The following ADAMTS6 variants were observed in gnomAD, a reference collection of about 807,000 sequenced individuals.
ADAMTS6 encodes the protein A disintegrin and metalloproteinase with thrombospondin motifs 6.
Under a neutral mutation model 144.3 loss-of-function variants are expected in ADAMTS6, and 23 were observed. The ratio of observed to expected loss-of-function variants is 0.16; its 90% CI spans 0.11 to 0.23. The LOEUF (loss-of-function observed/expected upper bound fraction) is 0.23, where lower values mean the gene tolerates loss of function less well. Among genes scored for constraint, ADAMTS6 ranks in the 10% least tolerant of loss-of-function variants. The probability of loss-of-function intolerance (pLI) is 1.00; values close to 1 mark genes in which losing one functional copy is unlikely to be tolerated. For synonymous variants in ADAMTS6, 444 were observed against 457.5 expected, an observed-to-expected ratio of 0.97 and a Z score of 0.38; for missense variants, 999 against 1,379.6, an observed-to-expected ratio of 0.72 and a Z score of 4.37.
At chr5:65,447,932 T>C (rs1758398961) in intron 7 of ADAMTS6, among the ~76,000 whole-genome samples, 1 of 150,868 alleles carries the variant, frequency 6.6e-6, no homozygotes, top group South Asian at 2.1e-4. Context: ...AGAGCTAAGA[T>C]GTCAGATAGT....
At chr5:65,447,556 T>C (rs1449463244) in intron 7 of ADAMTS6, among the ~76,000 whole-genome samples, 1 of 152,128 alleles carries the variant, frequency 6.6e-6, no homozygotes, top group Non-Finnish European at 1.5e-5. Context: ...TTTTTAACTA[T>C]ATATGTACAG....
chr5:65,336,084 T>C (rs1437592295), intron 7 of ADAMTS6, among the ~76,000 whole-genome samples: 2 of 152,172 alleles, frequency 1.3e-5, no homozygotes, highest in African/African-American at 4.8e-5. Flanking sequence ...GATTTGTTTT[T>C]CTTATAGACA....
intron 8 of ADAMTS6, among the ~76,000 whole-genome samples, chr5:65,332,312 T>TATATATATATAGAG (rs1384467152): frequency 9.8e-6 from 1 of 102,090 alleles, no homozygotes; most frequent in Non-Finnish European, 2.1e-5. Context: ...TATATATATA[T>TATATATATATAGAG]AGAGAGAGAG....
chr5:65,395,835 T>A (rs1753288664), intron 7 of ADAMTS6, among the ~76,000 whole-genome samples: 1 of 152,204 alleles, frequency 6.6e-6, no homozygotes, highest in African/African-American at 2.4e-5. Context: ...ATAACTTAAA[T>A]TTTGACATTC....
intron 7 of ADAMTS6, among the ~76,000 whole-genome samples, chr5:65,363,984 A>C (rs1224427170): frequency 2.0e-5 from 3 of 152,216 alleles, no homozygotes; most frequent in Admixed American, 1.3e-4. Context: ...AAATTCTCAG[A>C]GCCAACTGAG....
chr5:65,214,513 G>T lies in ADAMTS6; in HGVS notation c.2575+281C>A. ...CTTTACCAAGAATGTGTTCACGAAAGGCAAACAGCCCACCTTCAAGATAGT... is the reference window on the plus strand; with the variant it reads ...CTTTACCAAGAATGTGTTCACGAAATGCAAACAGCCCACCTTCAAGATAGT... On this transcript the variant is annotated intron_variant, in intron 20 of 24. Coordinates refer to ENST00000381055, the MANE Select transcript of ADAMTS6 (RefSeq NM_197941.4). This position sits in a 1 kb window ranked among gnomAD's most constrained non-coding sequence, Gnocchi z 4.6. The T allele has an allele frequency of 2.1e-6, 1 of 483,182 alleles. No homozygotes were observed. Among genetic ancestry groups the T allele is most frequent in the Non-Finnish European group, 3.8e-6 (1 of 265,180 alleles). The allele number at this position is 483,182 out of a possible 1,614,324, so 29.9% of individuals were successfully genotyped here. A position where few individuals can be genotyped will look rare whatever the true frequency, so the allele number is the denominator to read the frequency against.
intron 7 of ADAMTS6, among the ~76,000 whole-genome samples, chr5:65,425,036 G>A (rs974192742): frequency 6.6e-6 from 1 of 151,704 alleles, no homozygotes; most frequent in Non-Finnish European, 1.5e-5. Context: ...TGCTCTGGTC[G>A]CCCAGGCTGG....
intron 4 of ADAMTS6, among the ~76,000 whole-genome samples, chr5:65,458,940 GGTT>G (rs1159661909): frequency 2.0e-5 from 3 of 152,280 alleles, no homozygotes; most frequent in African/African-American, 7.2e-5. Context: ...CACTCAGAGA[GGTT>G]GGGTAATTCG....
intron 7 of ADAMTS6, among the ~76,000 whole-genome samples, chr5:65,409,209 G>A (rs1754840019): frequency 6.6e-6 from 1 of 151,370 alleles, no homozygotes; most frequent in African/African-American, 2.5e-5. Context: ...ATGAATTCAG[G>A]AGCTGGTTTT....
At chr5:65,329,876 G>A (rs1746548768) in intron 8 of ADAMTS6, among the ~76,000 whole-genome samples, 1 of 151,806 alleles carries the variant, frequency 6.6e-6, no homozygotes, top group Non-Finnish European at 1.5e-5. Flanking sequence ...AAGTTTAGTG[G>A]GTTCATAAAA....
At chr5:65,363,722 A>C (rs905852394) in intron 7 of ADAMTS6, among the ~76,000 whole-genome samples, 4 of 152,192 alleles carry the variant, frequency 2.6e-5, no homozygotes, top group Non-Finnish European at 5.9e-5. Context: ...TAGGCTGTGT[A>C]ACATATTCAA....
At chr5:65,235,820 C>A (rs1758629908) in intron 15 of ADAMTS6, among the ~76,000 whole-genome samples, 1 of 152,094 alleles carries the variant, frequency 6.6e-6, no homozygotes, top group South Asian at 2.1e-4. Flanking sequence ...AGAACCCTGA[C>A]TAATACAGTT....
At position 65,348,616 on chromosome 5, in the gene ADAMTS6, A is replaced by G. The variant is rs376727580; in HGVS notation, c.1074-14531T>C. The stretch of plus-strand genomic sequence containing the variant: ...GAGACTATAGTTAAGAATGTAATGT[A>G]TATTTAAAAATTACTAAGGAAGTAG... On this transcript the variant is annotated intron_variant, in intron 7 of 24. Transcript: ENST00000381055. Among the ~76,000 whole-genome samples, 39 of 152,294 alleles carry G rather than the reference A, an allele frequency of 2.6e-4. No individual in the cohort carries two copies. In the East Asian group the frequency reaches 5.2e-3, roughly 20 times the overall value.
At chr5:65,395,585 A>C (rs1753270440) in intron 7 of ADAMTS6, among the ~76,000 whole-genome samples, 1 of 152,186 alleles carries the variant, frequency 6.6e-6, no homozygotes, top group Non-Finnish European at 1.5e-5. Context: ...TATACAAAAA[A>C]ACAAGCTTTT....
chr5:65,462,638 G>C (rs1759710320), intron 3 of ADAMTS6, among the ~76,000 whole-genome samples: 1 of 152,026 alleles, frequency 6.6e-6, no homozygotes, highest in African/African-American at 2.4e-5. Context: ...TATCCTCTAA[G>C]GGCTGTTTCT....
At chr5:65,253,630 G>T (rs1380838887) in intron 14 of ADAMTS6, among the ~76,000 whole-genome samples, 1 of 151,730 alleles carries the variant, frequency 6.6e-6, no homozygotes, top group African/African-American at 2.4e-5. Flanking sequence ...TTTAAATTGG[G>T]GTGGCTCACA....
At chr5:65,459,441 C>T (rs1450883475) in intron 4 of ADAMTS6, among the ~76,000 whole-genome samples, 2 of 152,114 alleles carry the variant, frequency 1.3e-5, no homozygotes, top group Non-Finnish European at 2.9e-5. Context: ...AACCACTTCC[C>T]CCAACCACTA....
chr5:65,173,381 GA>G (rs1347393538), intron 22 of ADAMTS6, among the ~76,000 whole-genome samples: 6 of 152,172 alleles, frequency 3.9e-5, no homozygotes, highest in African/African-American at 1.4e-4. Context: ...CTTCTAAAAG[GA>G]ATTTGTATGT....
At chr5:65,365,140 T>C (rs548222574) in intron 7 of ADAMTS6, among the ~76,000 whole-genome samples, 3 of 152,216 alleles carry the variant, frequency 2.0e-5, no homozygotes, top group African/African-American at 4.8e-5. Flanking sequence ...GAAAGACCAC[T>C]GCAATCAGGA....
Sources: gnomAD v4.1 joint callset for allele counts (sites outside exome capture counted in the v4.1 genomes callset) on GRCh38, gnomAD v4.1.1 for gene constraint, Gnocchi (gnomAD v3.1) non-coding constraint, MANE v1.5 for transcripts, NCBI Gene and HGNC (gene_info 2026-07-23, HGNC 2026-07-21) for gene names.